The following EPHA6 variants were observed in gnomAD, a reference collection of about 807,000 sequenced individuals.
EPHA6 encodes ephrin type-A receptor 6.
Under a neutral mutation model 112.0 loss-of-function variants are expected in EPHA6, and 50 were observed. The ratio of observed to expected loss-of-function variants is 0.45; its 90% CI spans 0.36 to 0.56. EPHA6 has a LOEUF of 0.56. Ranked by LOEUF, EPHA6 falls within the 20% of genes least tolerant of loss-of-function variation. EPHA6 has a pLI of 0.00. For synonymous variants in EPHA6, 529 were observed against 490.7 expected (o/e 1.08, Z -1.03); for missense variants, 1,280 against 1,417.4 (o/e 0.90, Z 1.56).
chr3:97,131,404 G>A (rs1006734589), intron 3 of EPHA6, among the ~76,000 whole-genome samples: 7 of 152,034 alleles, frequency 4.6e-5, no homozygotes, highest in Non-Finnish European at 8.8e-5. Flanking sequence ...ATATTCCTTA[G>A]TCATAATAAT....
chr3:97,618,243 C>G (rs2093782940), intron 13 of EPHA6, among the ~76,000 whole-genome samples: 1 of 151,980 alleles, frequency 6.6e-6, no homozygotes, highest in Non-Finnish European at 1.5e-5. Context: ...AATAAATATA[C>G]AATGTGCCAG....
chr3:97,723,648 G>A (rs906551834), intron 15 of EPHA6, among the ~76,000 whole-genome samples: 3 of 151,992 alleles, frequency 2.0e-5, no homozygotes, highest in African/African-American at 7.2e-5. Context: ...CATTACCAAA[G>A]AATATTCAAG....
intron 11 of EPHA6, among the ~76,000 whole-genome samples, chr3:97,542,926 A>G (rs1250842234): frequency 1.3e-5 from 2 of 152,062 alleles, no homozygotes; most frequent in Non-Finnish European, 2.9e-5. Context: ...TCCTTTGCCC[A>G]CTTTTTGATG....
chr3:97,525,935 G>A (rs2107632335), intron 10 of EPHA6, among the ~76,000 whole-genome samples: 2 of 152,250 alleles, frequency 1.3e-5, no homozygotes, highest in Middle Eastern at 6.8e-3. Context: ...CTGGGTCACT[G>A]GCAGGACTCC....
chr3:97,530,077 A>T (rs1245483017), intron 10 of EPHA6, among the ~76,000 whole-genome samples: 2 of 152,154 alleles, frequency 1.3e-5, no homozygotes, highest in African/African-American at 4.8e-5. Flanking sequence ...AGATTTATTA[A>T]GACAAAGTAA....
chr3:97,187,745 G>GAAAGAA (rs1418770206), intron 3 of EPHA6, among the ~76,000 whole-genome samples: 47 of 138,410 alleles, frequency 3.4e-4, no homozygotes, highest in Admixed American at 7.2e-4. Flanking sequence ...AAGAAAGAAA[G>GAAAGAA]AGGAAAGAAA....
intron 3 of EPHA6, among the ~76,000 whole-genome samples, chr3:97,021,380 T>C (rs548168815): frequency 9.7e-4 from 147 of 152,284 alleles, no homozygotes; most frequent in Middle Eastern, 3.4e-3. Context: ...TCTCCAACAT[T>C]GGCCTTACTT....
chr3:97,459,544 G>T (rs914078919), intron 7 of EPHA6, among the ~76,000 whole-genome samples: 1 of 152,126 alleles, frequency 6.6e-6, no homozygotes, highest in Admixed American at 6.6e-5. Context: ...TGCTACTGAG[G>T]CTCAAATTTC....
chr3:96,917,754 A>T (rs1326122257), intron 2 of EPHA6, among the ~76,000 whole-genome samples: 1 of 152,176 alleles, frequency 6.6e-6, no homozygotes, highest in Admixed American at 6.6e-5. Flanking sequence ...AAGGGAAAAA[A>T]AAAATGTCTC....
chr3:97,419,030 C>G (rs1559981265), intron 6 of EPHA6, among the ~76,000 whole-genome samples: 2 of 152,292 alleles, frequency 1.3e-5, no homozygotes, highest in East Asian at 3.9e-4. Flanking sequence ...CAGGGCCAGG[C>G]ACTGTGGCTC....
At chr3:97,019,855 G>A (rs936518554) in intron 3 of EPHA6, among the ~76,000 whole-genome samples, 2 of 152,048 alleles carry the variant, frequency 1.3e-5, no homozygotes, top group Non-Finnish European at 2.9e-5. Context: ...GTTTGTGTCT[G>A]TGATGTTTAC....
At chr3:96,930,185 T>C (rs543023791) in intron 2 of EPHA6, among the ~76,000 whole-genome samples, 71 of 152,340 alleles carry the variant, frequency 4.7e-4, no homozygotes, top group Non-Finnish European at 7.5e-4. Flanking sequence ...TCAGCAAAGT[T>C]TGTTATTACC....
At chr3:96,858,806 G>A (rs1202296127) in intron 1 of EPHA6, among the ~76,000 whole-genome samples, 1 of 152,024 alleles carries the variant, frequency 6.6e-6, no homozygotes, top group African/African-American at 2.4e-5. Context: ...GTGCTTCAGG[G>A]GTTGGGGCCA....
At chr3:97,664,052 T>C (rs1267568581) in intron 14 of EPHA6, among the ~76,000 whole-genome samples, 1 of 152,216 alleles carries the variant, frequency 6.6e-6, no homozygotes, top group Non-Finnish European at 1.5e-5. Context: ...TGGTGTCTCA[T>C]TGTGGTTTTG....
intron 14 of EPHA6, among the ~76,000 whole-genome samples, chr3:97,660,912 G>A (rs1262589676): frequency 6.6e-6 from 1 of 152,020 alleles, no homozygotes; most frequent in Non-Finnish European, 1.5e-5. Flanking sequence ...TAAGACAGTA[G>A]TCTTGTTTTG....
intron 7 of EPHA6, among the ~76,000 whole-genome samples, chr3:97,450,574 A>G (rs970518654): frequency 6.6e-6 from 1 of 152,058 alleles, no homozygotes; most frequent in Non-Finnish European, 1.5e-5. Context: ...ATTCTGATTT[A>G]AATATTAACA....
chr3:96,814,711 C>T lies in EPHA6; in HGVS notation c.88C>T (p.Gln30Ter). ...SSEAAAPATG[Q>*]PGPSCPVPGT... is the part of the protein sequence containing the mutation. ...CGAAGCAGCTGCACCTGCAACTGGG[C>T]AGCCTGGACCCTCGTGCCCTGTTCC... The change falls in exon 1 of 18, where the codon CAG (glutamine) becomes TAG (stop). Residue 30 changes from glutamine to a stop codon, truncating the protein, a stop_gained. Transcript: ENST00000389672. LOFTEE classifies it high-confidence loss of function. The T allele has an allele frequency of 6.6e-7, 1 of 1,517,536 alleles. No homozygotes were observed. 94.0% of individuals were successfully genotyped at this position (1,517,536 alleles called of 1,614,324 possible).
chr3:97,626,354 T>C (rs1051882095), intron 13 of EPHA6, among the ~76,000 whole-genome samples: 1 of 151,716 alleles, frequency 6.6e-6, no homozygotes, highest in Non-Finnish European at 1.5e-5. Context: ...AGAACATAAA[T>C]GTGTTATGGC....
Position 97,748,951 on chromosome 3 carries a change from C to T in EPHA6, c.*250C>T, listed in dbSNP as rs1459896674. 6.4e-6 allele frequency: 3 copies of T among 468,800 alleles called. No homozygotes were observed. The highest frequency in any genetic ancestry group is 5.7e-5 in the South Asian group (2 of 35,336). The allele number at this position is 468,800 out of a possible 1,614,324, so 29.0% of individuals were successfully genotyped here. A position where few individuals can be genotyped will look rare whatever the true frequency, so the allele number is the denominator to read the frequency against. On this transcript the variant is annotated 3_prime_UTR_variant, in exon 18 of 18. Transcript: ENST00000389672. Reference sequence around the variant, plus strand: ...ATTATTGCTACGCAATGGTAAATAACTCAGCATGGATGTGTAATTTTGTAT... The same window carrying T: ...ATTATTGCTACGCAATGGTAAATAATTCAGCATGGATGTGTAATTTTGTAT...
Sources: gnomAD v4.1 joint callset for allele counts (sites outside exome capture counted in the v4.1 genomes callset) on GRCh38, gnomAD v4.1.1 for gene constraint, MANE v1.5 for transcripts, NCBI Gene and HGNC (gene_info 2026-07-23, HGNC 2026-07-21) for gene names.